Variants in ATP8A2 observed in about 807,000 individuals in gnomAD.
ATP8A2 encodes ATPase phospholipid transporting 8A2.
Under a neutral mutation model 165.6 loss-of-function variants are expected in ATP8A2, and 100 were observed. The ratio of observed to expected loss-of-function variants is 0.60; its 90% CI spans 0.51 to 0.71. The LOEUF (loss-of-function observed/expected upper bound fraction) is 0.71, where lower values mean the gene tolerates loss of function less well. ATP8A2 is among the 30% of genes least tolerant of loss of function. The probability of loss-of-function intolerance (pLI) is 0.00; values close to 1 mark genes in which losing one functional copy is unlikely to be tolerated. For missense variants in ATP8A2, 1,227 were observed against 1,479.5 expected (o/e 0.83, Z 2.80); for synonymous variants, 543 against 548.8 (o/e 0.99, Z 0.15).
At chr13:25,913,759 G>A (rs1344456970) in intron 33 of ATP8A2, among the ~76,000 whole-genome samples, 1 of 152,172 alleles carries the variant, frequency 6.6e-6, no homozygotes. Context: ...GAAGTGATTT[G>A]AGTTAGGAAA....
chr13:25,433,416 G>T (rs1338262262), intron 1 of ATP8A2, among the ~76,000 whole-genome samples: 2 of 152,114 alleles, frequency 1.3e-5, no homozygotes, highest in East Asian at 1.9e-4. Context: ...GGGACTACAG[G>T]CGTGTGCCAC....
chr13:25,733,271 C>T (rs181580980), intron 25 of ATP8A2, among the ~76,000 whole-genome samples: 3,953 of 152,126 alleles, frequency 0.026, 185 homozygotes, highest in African/African-American at 0.09. Flanking sequence ...GGTATTTCCA[C>T]CCCTGACTGC....
intron 27 of ATP8A2, among the ~76,000 whole-genome samples, chr13:25,777,435 T>A (rs1269191974): frequency 1.3e-5 from 2 of 152,264 alleles, no homozygotes; most frequent in Admixed American, 1.3e-4. Flanking sequence ...GTAAGTTGAT[T>A]TGCTTATTTG....
In ATP8A2 at chr13:25,759,503, G is replaced by A. The variant is rs147315350; in HGVS notation, c.2385-9543G>A. Among the ~76,000 whole-genome samples the A allele has an allele frequency of 5.1e-3, 777 of 152,232 alleles. 5 individuals carry two copies. The highest frequency in any genetic ancestry group is 0.018 in the African/African-American group (739 of 41,550). On this transcript the variant is annotated intron_variant, in intron 25 of 36. Coordinates refer to ENST00000381655, the MANE Select transcript of ATP8A2 (RefSeq NM_016529.6). ...CACTATTTTGAAATACTAGTAAAAT[G>A]TGCAGTGGGGAACAATACATGTATG...
intron 1 of ATP8A2, among the ~76,000 whole-genome samples, chr13:25,429,593 C>G (rs1329157541): frequency 1.3e-5 from 2 of 152,022 alleles, no homozygotes; most frequent in Non-Finnish European, 2.9e-5. Context: ...AATGAGTCAC[C>G]TTAATAGACT....
intron 24 of ATP8A2, among the ~76,000 whole-genome samples, chr13:25,697,729 CT>C (rs1166299535): frequency 3.9e-5 from 6 of 152,150 alleles, no homozygotes; most frequent in Non-Finnish European, 8.8e-5. Context: ...TTTTTAGCTC[CT>C]TTTTACACAT....
At chr13:25,775,164 G>A (rs1371377481) in intron 27 of ATP8A2, among the ~76,000 whole-genome samples, 1 of 152,136 alleles carries the variant, frequency 6.6e-6, no homozygotes, top group Admixed American at 6.5e-5. Flanking sequence ...TGACCAAAGC[G>A]GGCATCTGCA....
At chr13:25,956,418 A>G (rs2139168536) in intron 33 of ATP8A2, among the ~76,000 whole-genome samples, 1 of 152,372 alleles carries the variant, frequency 6.6e-6, no homozygotes, top group Middle Eastern at 3.4e-3. Context: ...CAACTTCAGC[A>G]AAGTCTCAGG....
Position 25,578,868 on chromosome 13 carries a change from A to T in ATP8A2, c.1836A>T (p.Thr612=). The stretch of plus-strand genomic sequence containing the variant: ...AAGACTCAAAATATATGGAGGAAAC[A>T]TTATGCCATCTGGAATACTTTGCCA... ...LSKDSKYMEE[T]LCHLEYFATE... The change falls in exon 21 of 37, where the codon ACA becomes ACT. Residue 612 remains threonine (T), a synonymous_variant. Coordinates refer to ENST00000381655, the MANE Select transcript of ATP8A2 (RefSeq NM_016529.6). 6.2e-7 allele frequency: 1 copy of T among 1,611,824 alleles called. No individual in the cohort carries two copies. The highest frequency in any genetic ancestry group is 8.5e-7 in the Non-Finnish European group (1 of 1,177,946).
At chr13:25,755,077 G>C (rs1238566513) in intron 25 of ATP8A2, among the ~76,000 whole-genome samples, 1 of 152,184 alleles carries the variant, frequency 6.6e-6, no homozygotes, top group Non-Finnish European at 1.5e-5. Flanking sequence ...TCACTTTGCT[G>C]TTTGACGTTG....
At chr13:25,818,424 A>T (rs1489043190) in intron 27 of ATP8A2, among the ~76,000 whole-genome samples, 2 of 152,228 alleles carry the variant, frequency 1.3e-5, no homozygotes, top group African/African-American at 2.4e-5. Context: ...TAAATGTTTT[A>T]AAAATTACTT....
chr13:25,938,286 C>T (rs1279505462), intron 33 of ATP8A2, among the ~76,000 whole-genome samples: 3 of 151,840 alleles, frequency 2.0e-5, no homozygotes, highest in Middle Eastern at 3.2e-3. Flanking sequence ...TGAGAGGAAA[C>T]GGACGGACTT....
chr13:25,576,421 G>A (rs1306529213), intron 19 of ATP8A2, among the ~76,000 whole-genome samples: 1 of 152,176 alleles, frequency 6.6e-6, no homozygotes, highest in East Asian at 1.9e-4. Flanking sequence ...TGGTTCATGG[G>A]AGGGTTGGTG....
chr13:25,570,035 T>C (rs2039420777), intron 16 of ATP8A2, among the ~76,000 whole-genome samples: 2 of 152,228 alleles, frequency 1.3e-5, no homozygotes, highest in South Asian at 4.1e-4. Flanking sequence ...GAATGTGCTC[T>C]AATCCCAATA....
intron 24 of ATP8A2, among the ~76,000 whole-genome samples, chr13:25,594,632 A>G (rs2040185629): frequency 6.6e-6 from 1 of 151,934 alleles, no homozygotes; most frequent in Non-Finnish European, 1.5e-5. Flanking sequence ...GCATCCTCAT[A>G]GCTTAGCTCT....
At chr13:25,496,666 A>T (rs188711347) in intron 2 of ATP8A2, among the ~76,000 whole-genome samples, 54 of 152,288 alleles carry the variant, frequency 3.5e-4, no homozygotes, top group South Asian at 1.5e-3. Context: ...ATTGGAAGGT[A>T]ACAGAGCTTG....
intron 16 of ATP8A2, among the ~76,000 whole-genome samples, chr13:25,565,051 T>G (rs1482053918): frequency 6.6e-6 from 1 of 152,230 alleles, no homozygotes; most frequent in African/African-American, 2.4e-5. Flanking sequence ...CATTCATTTT[T>G]ATGGCCACGT....
At chr13:25,863,716 A>G (rs1206653696) in intron 33 of ATP8A2, 1 of 152,212 alleles carries the variant, frequency 6.6e-6, no homozygotes, top group Non-Finnish European at 1.5e-5. Flanking sequence ...ATTACTTGCC[A>G]TTTCACCTGG....
At chr13:25,550,414 A>C (rs2038785706) in intron 10 of ATP8A2, among the ~76,000 whole-genome samples, 1 of 152,166 alleles carries the variant, frequency 6.6e-6, no homozygotes, top group African/African-American at 2.4e-5. Context: ...ACCTTCAGAT[A>C]TTTTTTAATA....
Sources: allele counts gnomAD v4.1 joint callset (sites outside exome capture counted in the v4.1 genomes callset), GRCh38; gene constraint gnomAD v4.1.1; transcripts MANE v1.5; gene names NCBI Gene and HGNC (gene_info 2026-07-23, HGNC 2026-07-21).